The following NCAM2 variants were observed in gnomAD, a reference collection of about 807,000 sequenced individuals.
The protein encoded by NCAM2 is neural cell adhesion molecule 2.
NCAM2 carries 30 observed loss-of-function variants against 98.1 expected under a neutral mutation model. The ratio of observed to expected loss-of-function variants is 0.31; its 90% CI spans 0.23 to 0.41. The LOEUF (loss-of-function observed/expected upper bound fraction) is 0.41. Ranked by LOEUF, NCAM2 falls within the 10% of genes least tolerant of loss-of-function variation. The pLI is 1.00. For synonymous variants in NCAM2, 368 were observed against 342.4 expected (o/e 1.07, Z -0.83); for missense variants, 867 against 1,005.8 (o/e 0.86, Z 1.87).
intron 1 of NCAM2, among the ~76,000 whole-genome samples, chr21:21,050,022 T>C (rs1013251177): frequency 6.6e-6 from 1 of 152,190 alleles, no homozygotes; most frequent in Non-Finnish European, 1.5e-5. Flanking sequence ...ACACAATTAT[T>C]ATTCTACAGT....
chr21:21,338,228 A>T (rs2074931349), intron 7 of NCAM2, among the ~76,000 whole-genome samples, 161 bp from the exon 8 acceptor site: 1 of 152,062 alleles, frequency 6.6e-6, no homozygotes. Context: ...GTGCTATTCA[A>T]CTGTCCTGGT....
intron 16 of NCAM2, among the ~76,000 whole-genome samples, chr21:21,519,586 C>A (rs200811097): frequency 6.6e-6 from 1 of 152,088 alleles, no homozygotes; most frequent in Non-Finnish European, 1.5e-5. Flanking sequence ...ATTTGTCCAC[C>A]ACACCTCTGT....
intron 8 of NCAM2, among the ~76,000 whole-genome samples, chr21:21,356,514 A>C (rs1421326603): frequency 6.6e-6 from 1 of 152,092 alleles, no homozygotes; most frequent in Non-Finnish European, 1.5e-5. Context: ...TTTATTCTTA[A>C]GAAAATGTAA....
chr21:21,366,259 TATC>T (rs1245222877), intron 8 of NCAM2, among the ~76,000 whole-genome samples: 1 of 152,080 alleles, frequency 6.6e-6, no homozygotes, highest in Non-Finnish European at 1.5e-5. Context: ...GTTACAAGCA[TATC>T]ATATGATATT....
intron 1 of NCAM2, among the ~76,000 whole-genome samples, chr21:21,140,077 T>C (rs529517954): frequency 6.6e-6 from 1 of 152,162 alleles, no homozygotes; most frequent in South Asian, 2.1e-4. Context: ...TTCAAGAGTA[T>C]TTTTTATGGC....
At chr21:21,297,878 T>G (rs922131102) in intron 5 of NCAM2, among the ~76,000 whole-genome samples, 7 of 151,760 alleles carry the variant, frequency 4.6e-5, no homozygotes, top group Non-Finnish European at 7.4e-5. Flanking sequence ...TTGTAAAGAG[T>G]GATTCACTAA....
intron 15 of NCAM2, among the ~76,000 whole-genome samples, chr21:21,492,446 C>T (rs1036316956): frequency 2.6e-5 from 4 of 151,866 alleles, no homozygotes; most frequent in African/African-American, 7.2e-5. Flanking sequence ...ATCTTTCTCA[C>T]TCAAACTTTT....
At position 21,223,298 on chromosome 21, in the gene NCAM2, A is replaced by C. The variant is rs562243022; in HGVS notation, c.56-57280A>C. The C allele has an allele frequency of 9.2e-5, 14 of 152,284 alleles. 1 individual carries two copies. In the South Asian group the frequency reaches 2.9e-3, roughly 32 times the overall value. 9.4% of individuals were successfully genotyped at this position (152,284 alleles called of 1,614,324 possible). A position where few individuals can be genotyped will look rare whatever the true frequency, so the allele number is the denominator to read the frequency against. ...AGTAAAAACAGGTTCAATAACATTT[A>C]GTATTTTTAAGAGATTTACTTTTAT... On this transcript the variant is annotated intron_variant, in intron 1 of 17. Transcript: ENST00000400546.
rs560246506 is a variant in NCAM2, at chr21:21,397,229, C to T, written c.1196-13045C>T. On this transcript the variant is annotated intron_variant, in intron 9 of 17. Transcript: ENST00000400546. Reference sequence around the variant, plus strand: ...CTGGAAAAAGCACCAGAAGTTATCACTCTGGGCCACGATTCCACCCAGAAC... The same window carrying T: ...CTGGAAAAAGCACCAGAAGTTATCATTCTGGGCCACGATTCCACCCAGAAC... Among the ~76,000 whole-genome samples, 14 of 152,268 alleles carry T rather than the reference C, an allele frequency of 9.2e-5. No homozygotes were observed. In the South Asian group the frequency reaches 2.9e-3, roughly 32 times the overall value.
intron 12 of NCAM2, among the ~76,000 whole-genome samples, chr21:21,443,185 C>A (rs1979567690): frequency 6.6e-6 from 1 of 152,100 alleles, no homozygotes; most frequent in African/African-American, 2.4e-5. Flanking sequence ...GACAGAAAAC[C>A]AAACATTGCA....
chr21:21,373,332 C>T (rs2075962382), intron 8 of NCAM2, among the ~76,000 whole-genome samples: 2 of 151,648 alleles, frequency 1.3e-5, no homozygotes, highest in African/African-American at 4.8e-5. Flanking sequence ...ATTATTTAGG[C>T]AATCAGGAAC....
At chr21:21,118,229 A>G (rs1473765287) in intron 1 of NCAM2, among the ~76,000 whole-genome samples, 2 of 152,210 alleles carry the variant, frequency 1.3e-5, no homozygotes, top group Non-Finnish European at 2.9e-5. Flanking sequence ...AGCTGTGATT[A>G]ATTATATAGA....
intron 15 of NCAM2, among the ~76,000 whole-genome samples, chr21:21,496,730 AT>A (rs1987265837): frequency 6.6e-6 from 1 of 152,110 alleles, no homozygotes; most frequent in South Asian, 2.1e-4. Context: ...GTCGTCCAGG[AT>A]TTTTATAGTC....
At chr21:21,212,200 A>G (rs568601443) in intron 1 of NCAM2, among the ~76,000 whole-genome samples, 1 of 152,312 alleles carries the variant, frequency 6.6e-6, no homozygotes, top group East Asian at 1.9e-4. Context: ...TGTACAAAAT[A>G]CATATCACCG....
intron 15 of NCAM2, among the ~76,000 whole-genome samples, chr21:21,502,322 G>T (rs1987690394): frequency 6.6e-6 from 1 of 151,792 alleles, no homozygotes; most frequent in Non-Finnish European, 1.5e-5. Flanking sequence ...GATTAACTCT[G>T]CACTATTTAA....
At chr21:21,289,134 T>G (rs2073203029) in intron 4 of NCAM2, among the ~76,000 whole-genome samples, 1 of 151,926 alleles carries the variant, frequency 6.6e-6, no homozygotes, top group South Asian at 2.1e-4. Context: ...AACACCTAAT[T>G]GATATACTCC....
At chr21:21,352,495 A>C (rs1440993114) in intron 8 of NCAM2, among the ~76,000 whole-genome samples, 1 of 152,008 alleles carries the variant, frequency 6.6e-6, no homozygotes, top group Non-Finnish European at 1.5e-5. Flanking sequence ...GAAATCACAG[A>C]TATTGATGAA....
chr21:21,074,343 G>A (rs1346491105), intron 1 of NCAM2, among the ~76,000 whole-genome samples: 2 of 151,212 alleles, frequency 1.3e-5, no homozygotes, highest in African/African-American at 4.9e-5. Context: ...TTATTTATTA[G>A]CATTTATTAC....
chr21:21,537,208 G>A (rs978594867), intron 17 of NCAM2, among the ~76,000 whole-genome samples: 9 of 151,724 alleles, frequency 5.9e-5, no homozygotes, highest in African/African-American at 1.7e-4. Flanking sequence ...AGTGATTTCC[G>A]TCTAATTTTT....
Sources: allele counts gnomAD v4.1 joint callset (sites outside exome capture counted in the v4.1 genomes callset), GRCh38; gene constraint gnomAD v4.1.1; transcripts MANE v1.5; gene names NCBI Gene and HGNC (gene_info 2026-07-23, HGNC 2026-07-21).